The following EHMT1 variants were observed in gnomAD, a reference collection of about 807,000 sequenced individuals.
EHMT1 encodes the protein euchromatic histone lysine methyltransferase 1.
Under a neutral mutation model 147.2 loss-of-function variants are expected in EHMT1, and 15 were observed. The observed-to-expected ratio is 0.10, with a 90% CI of 0.07 to 0.16. The LOEUF (loss-of-function observed/expected upper bound fraction) is 0.16, where lower values mean the gene tolerates loss of function less well. Ranked by LOEUF, EHMT1 falls within the 10% of genes least tolerant of loss-of-function variation. The pLI, the probability that EHMT1 is intolerant of heterozygous loss-of-function variation, is 1.00. For missense variants in EHMT1, 1,587 were observed against 1,772.4 expected (o/e 0.90, Z 1.88); for synonymous variants, 795 against 709.6 (o/e 1.12, Z -1.91).
At chr9:137,739,807 G>A (rs763163464) in intron 4 of EHMT1, among the ~76,000 whole-genome samples, 2 of 152,222 alleles carry the variant, frequency 1.3e-5, no homozygotes, top group Non-Finnish European at 2.9e-5. Context: ...GCATAGGTGG[G>A]TGGGAACAGT....
intron 18 of EHMT1, among the ~76,000 whole-genome samples, chr9:137,801,230 T>G (rs1362683307): frequency 1.3e-5 from 2 of 152,130 alleles, no homozygotes; most frequent in African/African-American, 4.8e-5. Flanking sequence ...ACTGCCCTGG[T>G]CTCCCTCCTG....
At chr9:137,759,617 A>G (rs1469814123) in intron 9 of EHMT1, among the ~76,000 whole-genome samples, 3 of 152,252 alleles carry the variant, frequency 2.0e-5, no homozygotes, top group African/African-American at 7.2e-5. Flanking sequence ...CTTGTGTGAC[A>G]TTTTGTAAAC....
chr9:137,795,391 A>G (rs1444153848), intron 16 of EHMT1, among the ~76,000 whole-genome samples: 3 of 146,612 alleles, frequency 2.0e-5, no homozygotes, highest in South Asian at 2.1e-4. Flanking sequence ...ACACCATCCT[A>G]TCGCAGGGTG....
chr9:137,780,325 A>G (rs1176203858), intron 14 of EHMT1, among the ~76,000 whole-genome samples: 111 of 101,720 alleles, frequency 1.1e-3, no homozygotes, highest in Non-Finnish European at 1.8e-3. Context: ...TGACGGCATC[A>G]CTGAGATGTG....
intron 18 of EHMT1, 63 bp from the exon 19 acceptor site, chr9:137,811,398 C>T (rs1368228206): frequency 1.2e-6 from 2 of 1,605,352 alleles, no homozygotes; most frequent in East Asian, 2.2e-5. Context: ...GCTGCTGTGG[C>T]CCAGCCCCAG....
intron 1 of EHMT1, among the ~76,000 whole-genome samples, chr9:137,637,950 G>A (rs758283096): frequency 6.6e-6 from 1 of 151,758 alleles, no homozygotes; most frequent in East Asian, 1.9e-4. Flanking sequence ...TCTAGTTTCC[G>A]GTATGCAGTT....
At chr9:137,625,560 A>G (rs1024222697) in intron 1 of EHMT1, among the ~76,000 whole-genome samples, 3 of 151,936 alleles carry the variant, frequency 2.0e-5, no homozygotes, top group Admixed American at 2.0e-4. Flanking sequence ...TTGGTCTCAC[A>G]TTCCTGACCT....
intron 4 of EHMT1, chr9:137,738,487 A>G (rs1247239062): frequency 6.6e-6 from 1 of 151,926 alleles, no homozygotes; most frequent in African/African-American, 2.4e-5. Flanking sequence ...GCTGTGAAAA[A>G]CTCAAAAAAC....
intron 1 of EHMT1, among the ~76,000 whole-genome samples, chr9:137,695,128 C>T (rs549624600): frequency 1.3e-5 from 2 of 152,340 alleles, no homozygotes; most frequent in East Asian, 3.9e-4. Flanking sequence ...GTGCTCACAC[C>T]CTGGGCACCT....
At chr9:137,643,474 G>GGGACTACA (rs938158463) in intron 1 of EHMT1, among the ~76,000 whole-genome samples, 1 of 151,560 alleles carries the variant, frequency 6.6e-6, no homozygotes, top group African/African-American at 2.4e-5. Context: ...CCGAGTAGCT[G>GGGACTACA]GGACTACAGG....
chr9:137,804,056 G>C (rs774029666), intron 18 of EHMT1, among the ~76,000 whole-genome samples: 1 of 152,154 alleles, frequency 6.6e-6, no homozygotes, highest in Non-Finnish European at 1.5e-5. Context: ...AGCAAAGCAC[G>C]TCTTACATGG....
At chr9:137,638,776 G>T (rs1356414236) in intron 1 of EHMT1, among the ~76,000 whole-genome samples, 4 of 152,072 alleles carry the variant, frequency 2.6e-5, no homozygotes, top group Non-Finnish European at 5.9e-5. Context: ...ACACAGACAT[G>T]CACAGAAGGA....
intron 9 of EHMT1, 49 bp from the exon 10 acceptor site, chr9:137,762,626 C>T (rs1159803222): frequency 1.9e-6 from 3 of 1,613,534 alleles, no homozygotes; most frequent in Non-Finnish European, 1.7e-6. Flanking sequence ...TCTAGATGTT[C>T]TTTTGAGGTC....
At chr9:137,803,363 G>A (rs556390075) in intron 18 of EHMT1, 117 of 939,190 alleles carry the variant, frequency 1.2e-4, no homozygotes, top group South Asian at 3.0e-4. Context: ...GTGATCCTCC[G>A]CGCTTCACAG....
intron 1 of EHMT1, among the ~76,000 whole-genome samples, chr9:137,669,338 A>ACGCCC (rs1564562383): frequency 8.4e-5 from 1 of 11,894 alleles, no homozygotes; most frequent in African/African-American, 5.0e-4. Context: ...CAGCACGTGG[A>ACGCCC]CCCCACACCA....
Position 137,700,178 on chromosome 9 carries a change from A to T in EHMT1, c.22-10789A>T, listed in dbSNP as rs1757806148. Among the ~76,000 whole-genome samples the T allele has an allele frequency of 2.0e-5, 3 of 152,268 alleles. No homozygotes were observed. The South Asian group carries it at 6.2e-4, about 32-fold the overall frequency. On this transcript the variant is annotated intron_variant, in intron 1 of 26. Transcript: ENST00000460843. ...ATTTATTTTATGGACTTGACATGTGAGTATTTCTCCTATCCCTCTATCCCT... is the reference window on the plus strand; with the variant it reads ...ATTTATTTTATGGACTTGACATGTGTGTATTTCTCCTATCCCTCTATCCCT...
rs368548524 is a variant in EHMT1, at chr9:137,630,137, C to G, written c.21+11088C>G. On this transcript the variant is annotated intron_variant, in intron 1 of 26. Transcript: ENST00000460843. ...AAGCTTGTGGATTTCTTTCTGTATTCTAGTTGTAATAGGCTGGTTCTGATC... is the reference window on the plus strand; with the variant it reads ...AAGCTTGTGGATTTCTTTCTGTATTGTAGTTGTAATAGGCTGGTTCTGATC... 3.3e-4 allele frequency among the ~76,000 whole-genome samples: 51 copies of G among 152,252 alleles called. No homozygotes were observed. The East Asian group carries it at 9.2e-3, about 28-fold the overall frequency.
intron 5 of EHMT1, 26 bp from the exon 6 acceptor site, chr9:137,743,876 G>A (rs765851584): frequency 6.3e-7 from 1 of 1,597,858 alleles, no homozygotes; most frequent in Non-Finnish European, 8.5e-7. Context: ...ATCCTGCCTT[G>A]GGGTATACAC....
chr9:137,735,491 A>G (rs1312283420), intron 4 of EHMT1, among the ~76,000 whole-genome samples: 17 of 152,256 alleles, frequency 1.1e-4, no homozygotes, highest in Non-Finnish European at 5.9e-5. Flanking sequence ...TGAGGGACGA[A>G]AAAAGCTATA....
Sources: gnomAD v4.1 joint callset for allele counts (sites outside exome capture counted in the v4.1 genomes callset) on GRCh38, gnomAD v4.1.1 for gene constraint, MANE v1.5 for transcripts, NCBI Gene and HGNC (gene_info 2026-07-23, HGNC 2026-07-21) for gene names.